Variants in SGCZ observed in about 807,000 individuals in gnomAD.
SGCZ encodes the protein sarcoglycan zeta.
SGCZ carries 40 observed loss-of-function variants against 41.3 expected under a neutral mutation model. That is an observed-to-expected ratio of 0.97 (90% CI 0.75 to 1.26). The LOEUF (loss-of-function observed/expected upper bound fraction) is 1.26, where lower values mean the gene tolerates loss of function less well. Ranked by LOEUF, SGCZ falls within the 50% of genes most tolerant of loss-of-function variation. SGCZ has a pLI of 0.00. For synonymous variants in SGCZ, 206 were observed against 137.5 expected, an observed-to-expected ratio of 1.50 and a Z score of -3.49; for missense variants, 552 against 369.8, an observed-to-expected ratio of 1.49 and a Z score of -4.04.
intron 1 of SGCZ, among the ~76,000 whole-genome samples, chr8:14,995,926 T>C (rs1048245487): frequency 5.3e-5 from 8 of 152,166 alleles, no homozygotes; most frequent in East Asian, 1.9e-4. Flanking sequence ...TTTTTTGAGA[T>C]GGAATCTTGC....
At chr8:14,200,345 G>T (rs1011345787) in intron 4 of SGCZ, among the ~76,000 whole-genome samples, 3 of 152,098 alleles carry the variant, frequency 2.0e-5, no homozygotes, top group African/African-American at 7.2e-5. Flanking sequence ...TTTTTGTAGA[G>T]ATTGAAAGAT....
At chr8:14,224,751 G>A (rs1407570861) in intron 4 of SGCZ, among the ~76,000 whole-genome samples, 3 of 152,080 alleles carry the variant, frequency 2.0e-5, no homozygotes, top group African/African-American at 7.2e-5. Flanking sequence ...AGGCCAGCAG[G>A]TCCATTTAAG....
At chr8:14,723,217 G>A (rs907998961) in intron 1 of SGCZ, among the ~76,000 whole-genome samples, 4 of 152,204 alleles carry the variant, frequency 2.6e-5, no homozygotes, top group African/African-American at 7.2e-5. Flanking sequence ...GATCTTCAGA[G>A]AGAAAATGCA....
chr8:14,323,184 C>T (rs918365350), intron 3 of SGCZ, among the ~76,000 whole-genome samples: 18 of 152,128 alleles, frequency 1.2e-4, no homozygotes, highest in African/African-American at 4.3e-4. Context: ...ATCCTTTGTT[C>T]TGTTTTCATT....
chr8:14,420,464 T>C (rs554626362), intron 2 of SGCZ, among the ~76,000 whole-genome samples: 1 of 152,214 alleles, frequency 6.6e-6, no homozygotes, highest in Admixed American at 6.6e-5. Flanking sequence ...GATTTTACTG[T>C]TGTTCGGTAT....
intron 1 of SGCZ, among the ~76,000 whole-genome samples, chr8:14,802,858 T>TA (rs1156680689): frequency 6.6e-6 from 1 of 152,118 alleles, no homozygotes; most frequent in Non-Finnish European, 1.5e-5. Context: ...AGCATCCTGT[T>TA]ACAGGCACTC....
chr8:14,489,043 A>G (rs1258820868), intron 2 of SGCZ, among the ~76,000 whole-genome samples: 1 of 150,508 alleles, frequency 6.6e-6, no homozygotes, highest in Non-Finnish European at 1.5e-5. Flanking sequence ...CAACCAGTGG[A>G]ACTGAACATA....
At chr8:14,382,096 C>T (rs1804388859) in intron 2 of SGCZ, among the ~76,000 whole-genome samples, 1 of 152,126 alleles carries the variant, frequency 6.6e-6, no homozygotes, top group Non-Finnish European at 1.5e-5. Context: ...CTTCCTCTAA[C>T]ATTTTTCACT....
At chr8:14,328,808 G>A (rs558326145) in intron 2 of SGCZ, among the ~76,000 whole-genome samples, 1 of 152,128 alleles carries the variant, frequency 6.6e-6, no homozygotes, top group African/African-American at 2.4e-5. Context: ...ACATTATTAG[G>A]CCAGGAGGGC....
chr8:14,128,916 T>C lies in SGCZ; in HGVS notation c.548-20681A>G, dbSNP rs1054779609. Among the ~76,000 whole-genome samples the C allele has an allele frequency of 2.4e-4, 37 of 152,060 alleles. 1 individual carries two copies. Among genetic ancestry groups the C allele is most frequent in the Admixed American group, 1.7e-3 (26 of 15,262 alleles). On this transcript the variant is annotated intron_variant, in intron 5 of 7. Transcript: ENST00000382080. The stretch of plus-strand genomic sequence containing the variant: ...CCATACAGAGTGGAATAATTGACAA[T>C]AGAGACTCCAAAAGTGGACGGTGGA...
chr8:14,529,208 T>C (rs1428574892), intron 2 of SGCZ, among the ~76,000 whole-genome samples: 1 of 152,176 alleles, frequency 6.6e-6, no homozygotes, highest in East Asian at 1.9e-4. Flanking sequence ...TTGAATTATT[T>C]GAGCTTTAGT....
chr8:14,138,117 G>C (rs1213592361), intron 5 of SGCZ, among the ~76,000 whole-genome samples: 1 of 152,116 alleles, frequency 6.6e-6, no homozygotes, highest in African/African-American at 2.4e-5. Context: ...ATCCTTTACA[G>C]ACAAGCAAAT....
chr8:14,589,200 G>A (rs1222765244), intron 1 of SGCZ, among the ~76,000 whole-genome samples: 2 of 151,928 alleles, frequency 1.3e-5, no homozygotes, highest in African/African-American at 2.4e-5. Context: ...AAAAAAACGA[G>A]CTGGGTGTGC....
chr8:14,135,072 C>T (rs571105897), intron 5 of SGCZ, among the ~76,000 whole-genome samples: 1 of 152,116 alleles, frequency 6.6e-6, no homozygotes, highest in African/African-American at 2.4e-5. Context: ...TATTGTCTAA[C>T]CTTTTAAAGA....
chr8:14,349,939 A>C (rs1273315851), intron 2 of SGCZ, among the ~76,000 whole-genome samples: 1 of 152,136 alleles, frequency 6.6e-6, no homozygotes, highest in African/African-American at 2.4e-5. Flanking sequence ...GCTTTAAAAA[A>C]TGTTTAACTG....
At chr8:14,124,288 T>C (rs1174433775) in intron 5 of SGCZ, among the ~76,000 whole-genome samples, 2 of 152,038 alleles carry the variant, frequency 1.3e-5, no homozygotes, top group East Asian at 1.9e-4. Flanking sequence ...CTCTTTCTCC[T>C]CTCTCTCTCT....
chr8:14,610,007 G>C (rs766789057), intron 1 of SGCZ, among the ~76,000 whole-genome samples: 4 of 152,128 alleles, frequency 2.6e-5, no homozygotes, highest in Non-Finnish European at 5.9e-5. Flanking sequence ...GTTCACGAGG[G>C]AGATTTCAAC....
At chr8:14,595,389 T>C (rs1563140293) in intron 1 of SGCZ, among the ~76,000 whole-genome samples, 3 of 129,362 alleles carry the variant, frequency 2.3e-5, no homozygotes, top group African/African-American at 8.3e-5. Flanking sequence ...TATAAATGCC[T>C]AACATGCACA....
intron 1 of SGCZ, among the ~76,000 whole-genome samples, chr8:14,858,526 A>C (rs757794635): frequency 6.6e-6 from 1 of 152,138 alleles, no homozygotes; most frequent in Non-Finnish European, 1.5e-5. Context: ...CAAAGGAAAG[A>C]CTATTTTAGC....
Sources: allele counts gnomAD v4.1 joint callset (sites outside exome capture counted in the v4.1 genomes callset), GRCh38; gene constraint gnomAD v4.1.1; transcripts MANE v1.5; gene names NCBI Gene and HGNC (gene_info 2026-07-23, HGNC 2026-07-21).